Variants in FYN observed in about 807,000 individuals in gnomAD.
FYN encodes tyrosine-protein kinase Fyn.
A neutral mutation model predicts 70.2 loss-of-function variants in FYN; 10 were observed. That is an observed-to-expected ratio of 0.14 (90% CI 0.09 to 0.24). The LOEUF is 0.24. Ranked by LOEUF, FYN falls within the 10% of genes least tolerant of loss-of-function variation. FYN has a pLI of 1.00. For synonymous variants in FYN, 236 were observed against 248.6 expected (o/e 0.95, Z 0.48); for missense variants, 319 against 673.1 (o/e 0.47, Z 5.82).
rs928636753 is a variant in FYN, at chr6:111,780,033, T to G, written c.-12+533A>C. Reference sequence around the variant, plus strand: ...TCCTGATCCCAAAGACTGTCCTCTTTCCCTGCTAGCAAGGTCTGGGTGGTT... The same window carrying G: ...TCCTGATCCCAAAGACTGTCCTCTTGCCCTGCTAGCAAGGTCTGGGTGGTT... On this transcript the variant is annotated intron_variant, in intron 3 of 13. Coordinates refer to ENST00000354650, the MANE Select transcript of FYN (RefSeq NM_002037.5). Among the ~76,000 whole-genome samples, 3 of 152,062 alleles carry G rather than the reference T, an allele frequency of 2.0e-5. No homozygotes were observed. In the South Asian group the frequency reaches 6.3e-4, roughly 32 times the overall value.
In FYN at chr6:111,719,881, C is replaced by G. The variant is rs559613703; in HGVS notation, c.171G>C (p.Gly57=). 6.2e-7 allele frequency: 1 copy of G among 1,614,126 alleles called. No homozygotes were observed. The highest frequency in any genetic ancestry group is 1.3e-5 in the African/African-American group (1 of 75,016). The change falls in exon 4 of 14, where the codon GGG becomes GGC. Residue 57 remains glycine (G), a synonymous_variant. Transcript: ENST00000354650. The part of the protein sequence containing the change: ...IPNYNNFHAA[G]GQGLTVFGGV... ...CTCCAAAGACGGTGAGTCCTTGGCC[C>G]CCGGCTGCGTGGAAGTTGTTGTAGT...
At chr6:111,687,672 T>C (rs1478235196) in intron 12 of FYN, among the ~76,000 whole-genome samples, 6 of 151,790 alleles carry the variant, frequency 4.0e-5, no homozygotes, top group Non-Finnish European at 8.8e-5. Flanking sequence ...AACACAGCTA[T>C]TGGCATCCAT....
intron 9 of FYN, among the ~76,000 whole-genome samples, chr6:111,698,181 AATGG>A (rs1799659468): frequency 2.2e-5 from 2 of 92,886 alleles, no homozygotes; most frequent in African/African-American, 3.6e-4. Context: ...GCTGGAGTGC[AATGG>A]TGCAATGGTG....
At chr6:111,697,273 GTC>G (rs1471060069) in intron 9 of FYN, among the ~76,000 whole-genome samples, 1 of 152,138 alleles carries the variant, frequency 6.6e-6, no homozygotes, top group African/African-American at 2.4e-5. Flanking sequence ...TATCTTTTGG[GTC>G]TCTTTCAGCC....
intron 5 of FYN, among the ~76,000 whole-genome samples, chr6:111,713,835 C>T (rs543021498): frequency 6.6e-6 from 1 of 152,216 alleles, no homozygotes; most frequent in Non-Finnish European, 1.5e-5. Context: ...ATTCCAGTCA[C>T]TCCCAAATTT....
chr6:111,814,695 A>G (rs1052351042), intron 2 of FYN, among the ~76,000 whole-genome samples: 3 of 152,222 alleles, frequency 2.0e-5, no homozygotes, highest in African/African-American at 7.2e-5. Context: ...TATTTTAAAA[A>G]TATCTATTTG....
chr6:111,819,573 T>C (rs554826998), intron 2 of FYN, among the ~76,000 whole-genome samples: 29 of 152,186 alleles, frequency 1.9e-4, no homozygotes, highest in Non-Finnish European at 3.1e-4. Flanking sequence ...CCATATTAAA[T>C]TGAGTTTCAG....
intron 2 of FYN, among the ~76,000 whole-genome samples, chr6:111,784,779 A>T (rs1467346181): frequency 6.6e-6 from 1 of 152,056 alleles, no homozygotes; most frequent in Non-Finnish European, 1.5e-5. Context: ...GGGGAAAAGG[A>T]AAAAAAATAA....
rs371325936 is a variant in FYN at position 111,850,299 on chromosome 6, T to C, written c.-122-3670A>G. On this transcript the variant is annotated intron_variant, in intron 1 of 13. Transcript: ENST00000354650. ...TCCCTTGCCATGGTGTCTTCTCTATTTCAAATTCAACTCTTTTTACTACTT... is the reference window on the plus strand; with the variant it reads ...TCCCTTGCCATGGTGTCTTCTCTATCTCAAATTCAACTCTTTTTACTACTT... 5.6e-4 allele frequency among the ~76,000 whole-genome samples: 86 copies of C among 152,356 alleles called. 1 individual carries two copies. The highest frequency in any genetic ancestry group is 2.0e-3 in the African/African-American group (82 of 41,574).
chr6:111,809,857 G>A lies in FYN; in HGVS notation c.-81-29222C>T, dbSNP rs539670068. 8.8e-3 allele frequency among the ~76,000 whole-genome samples: 1,333 copies of A among 152,168 alleles called. 11 individuals are homozygous for A. The highest frequency in any genetic ancestry group is 0.011 in the Non-Finnish European group (756 of 68,004). On this transcript the variant is annotated intron_variant, in intron 2 of 13. Coordinates refer to ENST00000354650, the MANE Select transcript of FYN (RefSeq NM_002037.5). ...AATATATATTTTCCCTTAAAAAGGTGGCACATAGATATAGCAAAAATCATT... is the reference window on the plus strand; with the variant it reads ...AATATATATTTTCCCTTAAAAAGGTAGCACATAGATATAGCAAAAATCATT...
chr6:111,710,138 G>T (rs1346625257), intron 5 of FYN, among the ~76,000 whole-genome samples: 1 of 152,066 alleles, frequency 6.6e-6, no homozygotes, highest in Non-Finnish European at 1.5e-5. Context: ...GCCCAGCCTG[G>T]GAAATGCTCC....
chr6:111,673,940 T>C (rs1798423533), intron 13 of FYN, among the ~76,000 whole-genome samples: 1 of 150,948 alleles, frequency 6.6e-6, no homozygotes, highest in Non-Finnish European at 1.5e-5. Context: ...TGCTTTGGTA[T>C]AGCATGTTTT....
intron 3 of FYN, among the ~76,000 whole-genome samples, chr6:111,741,328 T>C (rs1488099904): frequency 6.6e-6 from 1 of 152,198 alleles, no homozygotes; most frequent in Non-Finnish European, 1.5e-5. Context: ...TGCCCAAAAC[T>C]GTGCCTGGCA....
chr6:111,662,892 A>C (rs1405588823), intron 13 of FYN, among the ~76,000 whole-genome samples: 2 of 152,150 alleles, frequency 1.3e-5, no homozygotes, highest in African/African-American at 4.8e-5. Flanking sequence ...CAGGCCATCC[A>C]TCATTTGAGG....
chr6:111,743,174 C>A (rs1802058893), intron 3 of FYN, among the ~76,000 whole-genome samples: 2 of 152,020 alleles, frequency 1.3e-5, no homozygotes, highest in Admixed American at 1.3e-4. Flanking sequence ...GTTATGTTGG[C>A]CAGGCTGGTC....
chr6:111,810,213 T>C (rs1180558448), intron 2 of FYN, among the ~76,000 whole-genome samples: 2 of 152,182 alleles, frequency 1.3e-5, no homozygotes, highest in African/African-American at 4.8e-5. Context: ...TATGGGAATA[T>C]ACATCATGAG....
At chr6:111,744,821 C>T (rs1332697669) in intron 3 of FYN, among the ~76,000 whole-genome samples, 1 of 152,092 alleles carries the variant, frequency 6.6e-6, no homozygotes, top group Non-Finnish European at 1.5e-5. Context: ...ACAAATATCA[C>T]CTAACAATAA....
chr6:111,719,959 G>C lies in FYN; in HGVS notation c.93C>G (p.Gly31=). 1 of 1,614,206 alleles carries C rather than the reference G, an allele frequency of 6.2e-7. No individual in the cohort carries two copies. Among genetic ancestry groups the C allele is most frequent in the Non-Finnish European group, 8.5e-7 (1 of 1,180,032 alleles). ...SLNQSSGYRY[G]TDPTPQHYPS... ...GGTAGTGCTGAGGGGTGGGGTCTGT[G>C]CCATAGCGGTACCCAGAGCTCTGGT... The change falls in exon 4 of 14, where the codon GGC becomes GGG. Residue 31 remains glycine, a synonymous_variant. Transcript: ENST00000354650.
At chr6:111,707,760 G>A (rs575297807) in intron 6 of FYN, among the ~76,000 whole-genome samples, 162 bp downstream of exon 6, 11 of 152,290 alleles carry the variant, frequency 7.2e-5, no homozygotes, top group African/African-American at 2.2e-4. Context: ...TAATAATAGT[G>A]CAAGTATTAC....
Sources: gnomAD v4.1 joint callset for allele counts (sites outside exome capture counted in the v4.1 genomes callset) on GRCh38, gnomAD v4.1.1 for gene constraint, MANE v1.5 for transcripts, NCBI Gene and HGNC (gene_info 2026-07-23, HGNC 2026-07-21) for gene names.